EIF5A2: variants seen among roughly 807,000 people sequenced by gnomAD.
EIF5A2 encodes the protein eukaryotic translation initiation factor 5A2.
EIF5A2 carries 15 observed loss-of-function variants against 16.4 expected under a neutral mutation model. That is an observed-to-expected ratio of 0.92 (90% confidence interval 0.61 to 1.41). The LOEUF is 1.41. EIF5A2 is among the 40% of genes most tolerant of loss of function. The pLI is 0.00. For missense variants in EIF5A2, 144 were observed against 189.5 expected (o/e 0.76, Z 1.41); for synonymous variants, 48 against 61.1 (o/e 0.79, Z 1.00).
chr3:170,893,962 C>T (rs1276850931), intron 4 of EIF5A2, among the ~76,000 whole-genome samples: 13 of 150,508 alleles, frequency 8.6e-5, no homozygotes, highest in South Asian at 2.1e-4. Context: ...ACCTGGGACG[C>T]GGAGGTTGCA....
chr3:170,902,396 GC>G (rs1712838850), intron 3 of EIF5A2, among the ~76,000 whole-genome samples: 1 of 139,664 alleles, frequency 7.2e-6, no homozygotes, highest in Non-Finnish European at 1.5e-5. Context: ...ATGCCATTCA[GC>G]CTTTTTTTTT....
chr3:170,893,522 T>C (rs1712585754), intron 4 of EIF5A2, 103 bp from the exon 5 acceptor site: 4 of 1,241,514 alleles, frequency 3.2e-6, no homozygotes, highest in Non-Finnish European at 3.3e-6. Flanking sequence ...TTTGTACATA[T>C]GGACTTCTGA....
intron 3 of EIF5A2, among the ~76,000 whole-genome samples, chr3:170,896,495 A>G (rs1456159378): frequency 6.6e-6 from 1 of 152,170 alleles, no homozygotes; most frequent in Non-Finnish European, 1.5e-5. Flanking sequence ...TGCTGTTGTC[A>G]TGATAGTGAG....
At chr3:170,907,208 A>C in intron 2 of EIF5A2, 115 bp from the exon 3 acceptor site, 1 of 625,490 alleles carries the variant, frequency 1.6e-6, no homozygotes, top group Non-Finnish European at 2.6e-6. Context: ...CCTCCTTCCA[A>C]GGTCATCTAA....
intron 1 of EIF5A2, 105 bp from the exon 2 acceptor site, chr3:170,907,946 G>T (rs1478525164): frequency 2.3e-6 from 2 of 880,724 alleles, no homozygotes; most frequent in African/African-American, 3.4e-5. Context: ...CGTTATTTCT[G>T]CATGTAAGGA....
intron 3 of EIF5A2, among the ~76,000 whole-genome samples, chr3:170,902,102 A>G (rs1712831334): frequency 6.6e-6 from 1 of 152,238 alleles, no homozygotes; most frequent in Non-Finnish European, 1.5e-5. Context: ...ACCTAAAGGT[A>G]CAAACAAGTT....
At chr3:170,898,834 AAT>A (rs36060435) in intron 3 of EIF5A2, among the ~76,000 whole-genome samples, 34,434 of 150,682 alleles carry the variant, frequency 0.23, 3,964 homozygotes, top group Middle Eastern at 0.29. Flanking sequence ...GTATACATCC[AAT>A]ATATATATAT....
chr3:170,894,720 T>G (rs963109846), intron 3 of EIF5A2, among the ~76,000 whole-genome samples: 17 of 151,796 alleles, frequency 1.1e-4, no homozygotes, highest in African/African-American at 3.1e-4. Flanking sequence ...GTTTTGTTTT[T>G]TTTTTTAATC....
chr3:170,894,754 C>T (rs1190229553), intron 3 of EIF5A2, among the ~76,000 whole-genome samples: 4 of 150,096 alleles, frequency 2.7e-5, no homozygotes, highest in South Asian at 2.1e-4. Context: ...GGGCCAAGTG[C>T]GGTGGCTCAC....
At chr3:170,902,185 A>G (rs35280911) in intron 3 of EIF5A2, among the ~76,000 whole-genome samples, 25,711 of 152,126 alleles carry the variant, frequency 0.17, 2,257 homozygotes, top group Middle Eastern at 0.25. Flanking sequence ...ACTGATACCA[A>G]TGACTAGATG....
intron 3 of EIF5A2, among the ~76,000 whole-genome samples, chr3:170,905,418 C>T (rs988103472): frequency 1.3e-5 from 2 of 152,132 alleles, no homozygotes; most frequent in African/African-American, 2.4e-5. Flanking sequence ...CTGCTGATAC[C>T]ATCTTTCTGA....
rs1712981346 is a variant in EIF5A2 at position 170,907,853 on chromosome 3, G to C, written c.-35-12C>G. 1.3e-6 allele frequency: 2 copies of C among 1,485,478 alleles called. No homozygotes were observed. The highest frequency in any genetic ancestry group is 1.4e-5 in the African/African-American group (1 of 71,546). 92.0% of individuals were successfully genotyped at this position (1,485,478 alleles called of 1,614,324 possible). A position where few individuals can be genotyped will look rare whatever the true frequency, so the allele number is the denominator to read the frequency against. On this transcript the variant is annotated splice_polypyrimidine_tract_variant and intron_variant, in intron 1 of 4. Transcript: ENST00000295822. ...TTTTTCCGTGGGAACTACACAAAAA[G>C]TTTGTGTTTGCTTTTTAACAACGGG...
At chr3:170,893,457 A>G (rs771383117) in intron 4 of EIF5A2, 38 bp from the exon 5 acceptor site, 38 of 1,602,092 alleles carry the variant, frequency 2.4e-5, no homozygotes, top group Non-Finnish European at 3.2e-5. Context: ...TATTCAGAAG[A>G]CAATACATAT....
rs1034966671 is a variant in EIF5A2 at position 170,896,873 on chromosome 3, A to C, written c.271-2450T>G. 3.3e-5 allele frequency among the ~76,000 whole-genome samples: 5 copies of C among 152,332 alleles called. No homozygotes were observed. The East Asian group carries it at 9.7e-4, about 29-fold the overall frequency. ...TTTGAAACTTCCTAGAGACTTGTTG[A>C]ATGGATTTGAACAAAATGCTGACAA... On this transcript the variant is annotated intron_variant, in intron 3 of 4. Transcript: ENST00000295822.
At chr3:170,903,593 C>T (rs1370081915) in intron 3 of EIF5A2, among the ~76,000 whole-genome samples, 1 of 152,136 alleles carries the variant, frequency 6.6e-6, no homozygotes, top group African/African-American at 2.4e-5. Flanking sequence ...GGCCCTATTG[C>T]TTTAGAGGTT....
chr3:170,895,025 CAAAAAAAAAAA>C (rs748111786), intron 3 of EIF5A2, among the ~76,000 whole-genome samples: 1 of 60,768 alleles, frequency 1.6e-5, no homozygotes, highest in Admixed American at 2.0e-4. Context: ...GACTCTGTCT[CAAAAAAAAAAA>C]AAAAAAAAAA....
chr3:170,899,750 C>G (rs978415404), intron 3 of EIF5A2, among the ~76,000 whole-genome samples: 5 of 151,158 alleles, frequency 3.3e-5, no homozygotes, highest in African/African-American at 1.2e-4. Flanking sequence ...AAAAAGCCAA[C>G]AGTGTCATCG....
At chr3:170,901,854 C>T (rs924408214) in intron 3 of EIF5A2, among the ~76,000 whole-genome samples, 2 of 152,182 alleles carry the variant, frequency 1.3e-5, no homozygotes, top group African/African-American at 4.8e-5. Flanking sequence ...TCTTTTCCCC[C>T]AGAGTGTAGC....
chr3:170,893,622 G>A lies in EIF5A2; in HGVS notation c.403-203C>T, dbSNP rs185529194. On this transcript the variant is annotated intron_variant, in intron 4 of 4. Coordinates refer to ENST00000295822, the MANE Select transcript of EIF5A2 (RefSeq NM_020390.6). ...TTGTAAGACAACTTCCAGGGAACAG[G>A]AAAAATAACTATAAATGTTTGAACA... 5.3e-5 allele frequency among the ~76,000 whole-genome samples: 8 copies of A among 152,272 alleles called. No homozygotes were observed. In the East Asian group the frequency reaches 1.5e-3, roughly 29 times the overall value.
Sources: allele counts gnomAD v4.1 joint callset (sites outside exome capture counted in the v4.1 genomes callset), GRCh38; gene constraint gnomAD v4.1.1; transcripts MANE v1.5; gene names NCBI Gene and HGNC (gene_info 2026-07-23, HGNC 2026-07-21).